Variants in HPSE2 observed in about 807,000 individuals in gnomAD.
The protein encoded by HPSE2 is heparanase 2 (inactive), also known as inactive heparanase-2.
A neutral mutation model predicts 60.5 loss-of-function variants in HPSE2; 38 were observed. The ratio of observed to expected loss-of-function variants is 0.63; its 90% CI spans 0.48 to 0.82. The LOEUF (loss-of-function observed/expected upper bound fraction) is 0.82, where lower values mean the gene tolerates loss of function less well. Ranked by LOEUF, HPSE2 falls within the 40% of genes least tolerant of loss-of-function variation. The pLI, the probability that HPSE2 is intolerant of heterozygous loss-of-function variation, is 0.00. For synonymous variants in HPSE2, 295 were observed against 293.2 expected (o/e 1.01, Z -0.06); for missense variants, 713 against 740.4 (o/e 0.96, Z 0.43).
At chr10:99,253,476 G>A in the HPSE2 span, among the ~76,000 whole-genome samples, 1 of 152,038 alleles carries the variant, frequency 6.6e-6, no homozygotes, top group Non-Finnish European at 1.5e-5. Context: ...TTCACCATAT[G>A]AAAAAATTAA....
intron 3 of HPSE2, among the ~76,000 whole-genome samples, chr10:98,905,538 G>T (rs758103403): frequency 2.0e-5 from 3 of 152,070 alleles, no homozygotes; most frequent in Non-Finnish European, 2.9e-5. Flanking sequence ...ACATGTTCAG[G>T]ATCCAGTGAC....
chr10:98,578,820 C>T (rs754918809), intron 9 of HPSE2, among the ~76,000 whole-genome samples: 16 of 152,102 alleles, frequency 1.1e-4, no homozygotes, highest in African/African-American at 3.8e-4. Flanking sequence ...GCTTCTCTTT[C>T]TTCTTCAGAT....
chr10:98,615,412 C>T (rs1020830591), intron 8 of HPSE2, among the ~76,000 whole-genome samples: 2 of 152,202 alleles, frequency 1.3e-5, no homozygotes, highest in Admixed American at 1.3e-4. Flanking sequence ...CATTCCATCC[C>T]TCAAACTCCC....
chr10:99,242,950 A>G, the HPSE2 span, among the ~76,000 whole-genome samples: 1 of 152,352 alleles, frequency 6.6e-6, no homozygotes, highest in Non-Finnish European at 1.5e-5. Context: ...TTACAAGGAA[A>G]TTATATACCT....
intron 3 of HPSE2, among the ~76,000 whole-genome samples, chr10:98,922,210 C>T (rs886828578): frequency 6.6e-6 from 1 of 152,082 alleles, no homozygotes; most frequent in African/African-American, 2.4e-5. Context: ...GTATTTTATA[C>T]TTGCAGCACA....
rs1235321346 is a variant in HPSE2, at chr10:98,614,934, G to T, written c.1290C>A (p.His430Gln). ...ATGGGTTAAAATTCTGGTCCACGAG[G>T]TGATTGTATCCATGGTCAAAAAATG... is the stretch of plus-strand genomic sequence containing the variant. The part of the protein sequence containing the change: ...RHSFFDHGYN[H>Q]LVDQNFNPLP... Residue 430 changes from histidine (H) to glutamine (Q), a missense_variant, in exon 9 of 12, where the codon CAC becomes CAA. His to Gln is a conservative substitution (Grantham distance 24). Transcript: ENST00000370552. 6 of 1,613,638 alleles carry T rather than the reference G, an allele frequency of 3.7e-6. No homozygotes were observed. The highest frequency in any genetic ancestry group is 5.1e-6 in the Non-Finnish European group (6 of 1,179,668).
At chr10:99,249,337 A>G in the HPSE2 span, among the ~76,000 whole-genome samples, 4 of 152,190 alleles carry the variant, frequency 2.6e-5, no homozygotes, top group African/African-American at 9.6e-5. Context: ...CCTGAATATG[A>G]GACATGGAGT....
intron 3 of HPSE2, among the ~76,000 whole-genome samples, chr10:99,065,767 A>C (rs1842594633): frequency 1.3e-5 from 2 of 152,230 alleles, no homozygotes; most frequent in South Asian, 4.1e-4. Context: ...AAGTATGAAA[A>C]ATGATTTATT....
chr10:99,186,268 G>T (rs185415321), intron 2 of HPSE2, among the ~76,000 whole-genome samples: 232 of 152,064 alleles, frequency 1.5e-3, no homozygotes, highest in South Asian at 6.8e-3. Context: ...TTGCAGACCG[G>T]GCATGGTGGC....
At chr10:99,295,705 G>A in the HPSE2 span, among the ~76,000 whole-genome samples, 1 of 152,114 alleles carries the variant, frequency 6.6e-6, no homozygotes, top group Non-Finnish European at 1.5e-5. Flanking sequence ...GCAAGGTTAG[G>A]CAGATAAAGA....
intron 2 of HPSE2, among the ~76,000 whole-genome samples, chr10:99,190,958 G>A (rs1848199734): frequency 6.6e-6 from 1 of 152,128 alleles, no homozygotes. Flanking sequence ...GAGTTCTTGG[G>A]CCTTGAGTGA....
At chr10:99,225,550 A>C (rs1849445361) in intron 2 of HPSE2, among the ~76,000 whole-genome samples, 1 of 152,120 alleles carries the variant, frequency 6.6e-6, no homozygotes, top group Non-Finnish European at 1.5e-5. Context: ...GGATCTAATT[A>C]ATAATTCAAT....
At chr10:99,267,413 A>T in the HPSE2 span, among the ~76,000 whole-genome samples, 6 of 152,268 alleles carry the variant, frequency 3.9e-5, 1 homozygote, top group East Asian at 1.2e-3. Context: ...TTTTCAAATT[A>T]ACCCAATCCA....
chr10:98,621,708 A>G (rs1057131355), intron 7 of HPSE2, among the ~76,000 whole-genome samples: 1 of 152,262 alleles, frequency 6.6e-6, no homozygotes, highest in Non-Finnish European at 1.5e-5. Flanking sequence ...GGAAAGCATG[A>G]GTAGCCTTGT....
At chr10:99,034,870 C>G (rs1435635966) in intron 3 of HPSE2, among the ~76,000 whole-genome samples, 1 of 152,084 alleles carries the variant, frequency 6.6e-6, no homozygotes, top group African/African-American at 2.4e-5. Context: ...ATAAGCATAT[C>G]TAAACATAGA....
chr10:99,104,900 C>T (rs1844174209), intron 3 of HPSE2, among the ~76,000 whole-genome samples: 1 of 151,682 alleles, frequency 6.6e-6, no homozygotes, highest in Non-Finnish European at 1.5e-5. Flanking sequence ...CATCACACAC[C>T]GGGGCCTGTC....
At position 99,036,028 on chromosome 10, in the gene HPSE2, A is replaced by G. The variant is rs527628192; in HGVS notation, c.610+108210T>C. Among the ~76,000 whole-genome samples, 5 of 152,254 alleles carry G rather than the reference A, an allele frequency of 3.3e-5. No homozygotes were observed. In the East Asian group the frequency reaches 9.7e-4, roughly 29 times the overall value. On this transcript the variant is annotated intron_variant, in intron 3 of 11. Coordinates refer to ENST00000370552, the MANE Select transcript of HPSE2 (RefSeq NM_021828.5). ...GAGCTCAAGACCAGACAGGGCAACA[A>G]AGCAAGACCCTGTTCCTACAAAAAA...
At chr10:98,874,663 G>T (rs1193169622) in intron 3 of HPSE2, among the ~76,000 whole-genome samples, 16 of 152,030 alleles carry the variant, frequency 1.1e-4, no homozygotes, top group Admixed American at 1.1e-3. Flanking sequence ...TAGGAATGAT[G>T]AGAGAGGGCG....
intron 6 of HPSE2, among the ~76,000 whole-genome samples, chr10:98,659,160 T>C (rs1017128137): frequency 3.9e-5 from 6 of 152,178 alleles, no homozygotes; most frequent in Non-Finnish European, 8.8e-5. Flanking sequence ...TTACCTATTC[T>C]TGATATTTAA....
Sources: gnomAD v4.1 joint callset for allele counts (sites outside exome capture counted in the v4.1 genomes callset) on GRCh38, gnomAD v4.1.1 for gene constraint, MANE v1.5 for transcripts, NCBI Gene and HGNC (gene_info 2026-07-23, HGNC 2026-07-21) for gene names.